The following ACER3 variants were observed in gnomAD, a reference collection of about 807,000 sequenced individuals.
ACER3 encodes the protein alkCDase 3.
Under a neutral mutation model 48.9 loss-of-function variants are expected in ACER3, and 16 were observed. That is an observed-to-expected ratio of 0.33 (90% CI 0.22 to 0.50). The LOEUF is 0.50. Ranked by LOEUF, ACER3 falls within the 20% of genes least tolerant of loss-of-function variation. The pLI, the probability that ACER3 is intolerant of heterozygous loss-of-function variation, is 0.98. For synonymous variants in ACER3, 109 were observed against 107.8 expected, an observed-to-expected ratio of 1.01 and a Z score of -0.07; for missense variants, 227 against 326.0, an observed-to-expected ratio of 0.70 and a Z score of 2.34.
chr11:76,888,145 A>G (rs1249754893), intron 1 of ACER3, among the ~76,000 whole-genome samples: 2 of 152,110 alleles, frequency 1.3e-5, no homozygotes, highest in South Asian at 2.1e-4. Context: ...TTTTTAGGTT[A>G]TATGTATGGT....
intron 1 of ACER3, among the ~76,000 whole-genome samples, chr11:76,905,930 A>G (rs540658938): frequency 6.6e-6 from 1 of 152,354 alleles, no homozygotes; most frequent in East Asian, 1.9e-4. Flanking sequence ...CAAATTAACC[A>G]TTACATCTGG....
chr11:76,932,449 G>T (rs1403683753), intron 2 of ACER3, among the ~76,000 whole-genome samples: 2 of 152,152 alleles, frequency 1.3e-5, no homozygotes, highest in Non-Finnish European at 2.9e-5. Context: ...TTTTAAGAAA[G>T]TTACTTGATT....
At chr11:77,011,995 T>TA (rs1214489083) in intron 7 of ACER3, among the ~76,000 whole-genome samples, 1 of 152,012 alleles carries the variant, frequency 6.6e-6, no homozygotes, top group African/African-American at 2.4e-5. Context: ...TTAATCCCTT[T>TA]AAAAATCAAG....
chr11:76,885,594 G>A (rs139191212), intron 1 of ACER3, among the ~76,000 whole-genome samples: 132 of 152,248 alleles, frequency 8.7e-4, no homozygotes, highest in African/African-American at 2.9e-3. Flanking sequence ...CCTTCCTGCA[G>A]GAAGGAACAG....
At chr11:76,896,194 C>T (rs1311365303) in intron 1 of ACER3, among the ~76,000 whole-genome samples, 1 of 152,150 alleles carries the variant, frequency 6.6e-6, no homozygotes, top group Non-Finnish European at 1.5e-5. Context: ...GAAAGGGATT[C>T]TGAAAAGGGA....
At position 76,990,547 on chromosome 11, in the gene ACER3, T is replaced by G; in HGVS notation, c.411T>G (p.Leu137=). The G allele has an allele frequency of 6.6e-7, 1 of 1,508,066 alleles. No homozygotes were observed. The highest frequency in any genetic ancestry group is 1.3e-5 in the African/African-American group (1 of 74,250). 93.4% of individuals were successfully genotyped at this position (1,508,066 alleles called of 1,614,324 possible). The change falls in exon 6 of 11, where the codon CTT becomes CTG. Residue 137 remains leucine, a synonymous_variant. Coordinates refer to ENST00000532485, the MANE Select transcript of ACER3 (RefSeq NM_018367.7). ...TTTCTAATATTTTGCAGGTTTACCT[T>G]AAGGTAAAAGAGCCGATATTCCATC... is the stretch of plus-strand genomic sequence containing the variant. ...LFSLIVTTVY[L]KVKEPIFHQV...
intron 1 of ACER3, among the ~76,000 whole-genome samples, chr11:76,880,960 TA>T (rs1945508984): frequency 6.6e-6 from 1 of 152,026 alleles, no homozygotes; most frequent in African/African-American, 2.4e-5. Flanking sequence ...AGTGCCCTTG[TA>T]AGAAGATGCC....
In ACER3 at chr11:77,023,014, T is replaced by C. The variant is rs1271562408; in HGVS notation, c.*2687T>C. The C allele has an allele frequency of 5.0e-6, 2 of 397,918 alleles. No homozygotes were observed. Among genetic ancestry groups the C allele is most frequent in the African/African-American group, 4.1e-5 (2 of 48,630 alleles). The allele number at this position is 397,918 out of a possible 1,614,324, so 24.6% of individuals were successfully genotyped here. On this transcript the variant is annotated 3_prime_UTR_variant, in exon 11 of 11. Transcript: ENST00000532485. ...GCAATTTGACTTTTATTTTTGTTTT[T>C]CTAAAGAACAGCTAGGTGAAAGGAG...
chr11:77,010,159 C>A (rs1377049633), intron 7 of ACER3, among the ~76,000 whole-genome samples: 2 of 117,956 alleles, frequency 1.7e-5, no homozygotes, highest in Admixed American at 8.3e-5. Flanking sequence ...CCTGTCTCTA[C>A]CAGAAATAAT....
intron 3 of ACER3, among the ~76,000 whole-genome samples, chr11:76,967,640 G>C (rs1443949239): frequency 4.7e-5 from 7 of 150,282 alleles, no homozygotes; most frequent in Non-Finnish European, 1.0e-4. Flanking sequence ...GTTCAACATA[G>C]GCAAATCAAT....
intron 2 of ACER3, among the ~76,000 whole-genome samples, chr11:76,947,130 G>T (rs1419648805): frequency 6.6e-6 from 1 of 152,056 alleles, no homozygotes; most frequent in Non-Finnish European, 1.5e-5. Context: ...TACTATTCTG[G>T]TTCCTCTCTG....
intron 2 of ACER3, among the ~76,000 whole-genome samples, chr11:76,927,468 T>C (rs1328628651): frequency 7.7e-6 from 1 of 130,402 alleles, no homozygotes; most frequent in Non-Finnish European, 1.8e-5. Flanking sequence ...GTTTTTTTTA[T>C]TATTATTATA....
intron 2 of ACER3, among the ~76,000 whole-genome samples, chr11:76,952,901 A>T (rs1299317792): frequency 2.0e-5 from 3 of 151,848 alleles, no homozygotes; most frequent in Admixed American, 2.0e-4. Flanking sequence ...CCTGACCTCT[A>T]GTGATCTGCC....
chr11:77,010,789 G>A (rs1354381699), intron 7 of ACER3, among the ~76,000 whole-genome samples: 1 of 152,120 alleles, frequency 6.6e-6, no homozygotes, highest in Non-Finnish European at 1.5e-5. Flanking sequence ...ATGGCTTTGG[G>A]CTTGCCAAAG....
chr11:76,953,097 G>A (rs925925441), intron 2 of ACER3, among the ~76,000 whole-genome samples: 1 of 152,174 alleles, frequency 6.6e-6, no homozygotes, highest in East Asian at 1.9e-4. Context: ...AAGCAGACTC[G>A]AGTTAATGGT....
rs1555024328 is a variant in ACER3, at chr11:77,020,845, G to C, written c.*518G>C. On this transcript the variant is annotated 3_prime_UTR_variant, in exon 11 of 11. Transcript: ENST00000532485. ...TGGTTCTCAAAGGTAAAAAAAGAGA[G>C]AGAAAGAGAGAGAGCTAGCTGTGGG... 1 of 154,264 alleles carries C rather than the reference G, an allele frequency of 6.5e-6. No homozygotes were observed. The highest frequency in any genetic ancestry group is 1.4e-5 in the Non-Finnish European group (1 of 69,364). The allele number at this position is 154,264 out of a possible 1,614,324, so 9.6% of individuals were successfully genotyped here. A position where few individuals can be genotyped will look rare whatever the true frequency, so the allele number is the denominator to read the frequency against.
intron 3 of ACER3, among the ~76,000 whole-genome samples, chr11:76,975,754 G>A (rs1346094261): frequency 6.6e-6 from 1 of 151,950 alleles, no homozygotes; most frequent in Non-Finnish European, 1.5e-5. Context: ...AGGACACTTG[G>A]ATGATAACCT....
intron 4 of ACER3, among the ~76,000 whole-genome samples, chr11:76,977,115 C>G (rs1051747554): frequency 1.3e-5 from 2 of 152,146 alleles, no homozygotes; most frequent in African/African-American, 4.8e-5. Context: ...ATTTTATAGA[C>G]AAGGAAGTAA....
At chr11:77,001,128 G>A (rs1274282286) in intron 7 of ACER3, among the ~76,000 whole-genome samples, 2 of 151,916 alleles carry the variant, frequency 1.3e-5, no homozygotes, top group Non-Finnish European at 2.9e-5. Flanking sequence ...TTGTGATATT[G>A]TATTTTTAAA....
Sources: gnomAD v4.1 joint callset for allele counts (sites outside exome capture counted in the v4.1 genomes callset) on GRCh38, gnomAD v4.1.1 for gene constraint, MANE v1.5 for transcripts, NCBI Gene and HGNC (gene_info 2026-07-23, HGNC 2026-07-21) for gene names.